Variants in SYNRG observed in about 807,000 individuals in gnomAD.
SYNRG encodes synergin gamma.
In SYNRG, 37 loss-of-function variants were observed where a neutral mutation model predicts 130.9. The ratio of observed to expected loss-of-function variants is 0.28; its 90% CI spans 0.22 to 0.37. The LOEUF is 0.37. SYNRG is among the 10% of genes least tolerant of loss of function. SYNRG has a pLI of 1.00. For synonymous variants in SYNRG, 539 were observed against 568.1 expected, an observed-to-expected ratio of 0.95 and a Z score of 0.73; for missense variants, 1,338 against 1,588.9, an observed-to-expected ratio of 0.84 and a Z score of 2.68.
At chr17:37,598,246 A>G (rs2146953105) in intron 2 of SYNRG, among the ~76,000 whole-genome samples, 1 of 152,304 alleles carries the variant, frequency 6.6e-6, no homozygotes. Flanking sequence ...AGTGGTTGCT[A>G]TTTTACATAG....
chr17:37,586,214 G>A (rs528346881), intron 4 of SYNRG, among the ~76,000 whole-genome samples: 11 of 152,104 alleles, frequency 7.2e-5, no homozygotes, highest in Admixed American at 2.6e-4. Flanking sequence ...GGCTGGTCTC[G>A]AACTCCTGGG....
chr17:37,599,840 G>A (rs948739999), intron 2 of SYNRG, among the ~76,000 whole-genome samples: 1 of 152,088 alleles, frequency 6.6e-6, no homozygotes, highest in Non-Finnish European at 1.5e-5. Flanking sequence ...ATTATAATAA[G>A]ATACTATCAT....
chr17:37,547,783 A>G (rs1399386083), intron 14 of SYNRG, among the ~76,000 whole-genome samples: 1 of 152,176 alleles, frequency 6.6e-6, no homozygotes, highest in Non-Finnish European at 1.5e-5. Context: ...ACTTCTAAAA[A>G]TCAGCAGGGA....
At chr17:37,572,134 A>T in intron 8 of SYNRG, 147 bp from the exon 9 acceptor site, 1 of 700,444 alleles carries the variant, frequency 1.4e-6, no homozygotes. Flanking sequence ...TGCTTTAAAC[A>T]TATTCAAGTG....
chr17:37,565,295 G>A (rs1026766774), intron 11 of SYNRG, among the ~76,000 whole-genome samples: 3 of 151,960 alleles, frequency 2.0e-5, no homozygotes, highest in South Asian at 2.1e-4. Flanking sequence ...TTCAAGGAAA[G>A]TATGGAAGTA....
intron 1 of SYNRG, among the ~76,000 whole-genome samples, chr17:37,605,229 A>C (rs574647933): frequency 7.2e-5 from 11 of 152,244 alleles, no homozygotes; most frequent in Non-Finnish European, 1.5e-4. Flanking sequence ...CATATGCTAA[A>C]ATTGATACAT....
intron 21 of SYNRG, 49 bp from the exon 22 acceptor site, chr17:37,519,120 C>T (rs1310058904): frequency 1.9e-6 from 3 of 1,594,408 alleles, no homozygotes; most frequent in Non-Finnish European, 2.6e-6. Context: ...TTTTCTGCAT[C>T]TCAGAGCTTT....
At chr17:37,607,130 C>A (rs1308173133) in intron 1 of SYNRG, among the ~76,000 whole-genome samples, 6 of 152,072 alleles carry the variant, frequency 3.9e-5, no homozygotes, top group African/African-American at 1.2e-4. Context: ...TCATTTTAAC[C>A]ACTTCTTTCT....
At chr17:37,520,111 C>T in intron 21 of SYNRG, 68 bp downstream of exon 21, 2 of 1,527,598 alleles carry the variant, frequency 1.3e-6, no homozygotes, top group Non-Finnish European at 1.8e-6. Context: ...TGGATAGAAT[C>T]ATCCAATTTG....
chr17:37,536,192 A>C, intron 18 of SYNRG, 65 bp from the exon 19 acceptor site: 1 of 1,511,368 alleles, frequency 6.6e-7, no homozygotes, highest in Non-Finnish European at 8.8e-7. Flanking sequence ...CAGACAGGGG[A>C]GCATTATTGC....
chr17:37,608,811 A>G (rs914809389), intron 1 of SYNRG, among the ~76,000 whole-genome samples: 17 of 152,166 alleles, frequency 1.1e-4, no homozygotes, highest in Non-Finnish European at 4.4e-5. Context: ...GGAAGAGACA[A>G]ATAGTCCACA....
At position 37,584,690 on chromosome 17, in the gene SYNRG, C is replaced by T; in HGVS notation, c.547G>A (p.Ala183Thr). The T allele has an allele frequency of 6.2e-7, 1 of 1,613,878 alleles. No homozygotes were observed. The highest frequency in any genetic ancestry group is 1.1e-5 in the South Asian group (1 of 91,072). Residue 183 changes from alanine (A) to threonine (T), a missense_variant, in exon 6 of 22, where the codon GCA (alanine) becomes ACA (threonine). Physicochemically the swap from Ala to Thr is moderately conservative, Grantham distance 58. This residue lies in a region of SYNRG where 8 missense variants were observed against 29.4 expected (regional missense o/e 0.27). Transcript: ENST00000612223. The part of the protein sequence containing the change: ...KGNLDGFSRD[A>T]KMHPTPASHP... ...GATGCTGGAGTAGGGTGCATTTTTG[C>T]ATCTCTGGAAAACCCATCTAAATTT... is the stretch of plus-strand genomic sequence containing the variant.
At chr17:37,540,186 G>C (rs2057613220) in intron 16 of SYNRG, among the ~76,000 whole-genome samples, 194 bp downstream of exon 16, 1 of 152,194 alleles carries the variant, frequency 6.6e-6, no homozygotes, top group African/African-American at 2.4e-5. Context: ...GTTTCAGTGG[G>C]TGCCACACCT....
chr17:37,598,446 T>A (rs978736597), intron 2 of SYNRG, among the ~76,000 whole-genome samples: 6 of 152,244 alleles, frequency 3.9e-5, no homozygotes, highest in Admixed American at 2.6e-4. Flanking sequence ...GTTTTCCGTC[T>A]TATTTCTTTG....
intron 3 of SYNRG, among the ~76,000 whole-genome samples, chr17:37,592,578 T>C (rs2062294522): frequency 6.6e-6 from 1 of 152,186 alleles, no homozygotes; most frequent in Non-Finnish European, 1.5e-5. Flanking sequence ...CCATGGACTA[T>C]TACTCATCGA....
At chr17:37,578,156 C>T (rs552757909) in intron 6 of SYNRG, among the ~76,000 whole-genome samples, 1 of 151,776 alleles carries the variant, frequency 6.6e-6, no homozygotes, top group Non-Finnish European at 1.5e-5. Flanking sequence ...ATAATGAAAC[C>T]CCATCTCTAC....
chr17:37,596,278 C>A lies in SYNRG; in HGVS notation c.185G>T (p.Gly62Val). The A allele has an allele frequency of 6.2e-7, 1 of 1,614,108 alleles. No individual in the cohort carries two copies. Among genetic ancestry groups the A allele is most frequent in the Non-Finnish European group, 8.5e-7 (1 of 1,179,974 alleles). ...MVSVMQPNMQ[G>V]IMGMNYSSQM... ...AGAGCTGTAATTCATTCCCATAATG[C>A]CTTGCATATTAGGCTGCATGACAGA... Residue 62 changes from glycine to valine, a missense_variant, in exon 3 of 22, where the codon GGC becomes GTC. Gly to Val is a moderately radical substitution (Grantham distance 109). Around this residue, in one of 3 missense-constraint regions of SYNRG, gnomAD observed 184 missense variants for 217.2 expected, o/e 0.85. Transcript: ENST00000612223.
chr17:37,565,169 C>G (rs1279641811), intron 11 of SYNRG, among the ~76,000 whole-genome samples: 2 of 151,846 alleles, frequency 1.3e-5, no homozygotes, highest in Non-Finnish European at 2.9e-5. Flanking sequence ...GAGGCTGAGG[C>G]AGGAGAATCA....
At position 37,605,741 on chromosome 17, in the gene SYNRG, C is replaced by T. The variant is rs1296343216; in HGVS notation, c.77+3538G>A. On this transcript the variant is annotated intron_variant, in intron 1 of 21. Transcript: ENST00000612223. ...GCAAAAAACTGGGCAGGAAGGTGAC[C>T]AACAATTTAATTTCAAAGGTAAAAC... The T allele has an allele frequency of 3.2e-6, 3 of 928,236 alleles. No individual in the cohort carries two copies. In the African/African-American group the frequency reaches 5.4e-5, roughly 17 times the overall value. The allele number at this position is 928,236 out of a possible 1,614,324, so 57.5% of individuals were successfully genotyped here.
Sources: allele counts gnomAD v4.1 joint callset (sites outside exome capture counted in the v4.1 genomes callset), GRCh38; gene constraint gnomAD v4.1.1; regional missense constraint gnomAD v4.1.1; transcripts MANE v1.5; gene names NCBI Gene and HGNC (gene_info 2026-07-23, HGNC 2026-07-21).